The following NLRP1 variants were observed in gnomAD, a reference collection of about 807,000 sequenced individuals.
NLRP1 encodes the protein NLR family pyrin domain containing 1.
In NLRP1, 94 loss-of-function variants were observed where a neutral mutation model predicts 136.7. The ratio of observed to expected loss-of-function variants is 0.69; its 90% CI spans 0.58 to 0.82. NLRP1 has a LOEUF of 0.82. NLRP1 is among the 40% of genes least tolerant of loss of function. The pLI, the probability that NLRP1 is intolerant of heterozygous loss-of-function variation, is 0.00. For synonymous variants in NLRP1, 690 were observed against 725.1 expected (o/e 0.95, Z 0.78); for missense variants, 1,575 against 1,802.7 (o/e 0.87, Z 2.29).
intron 12 of NLRP1, among the ~76,000 whole-genome samples, chr17:5,525,754 G>C (rs1395813099): frequency 6.6e-6 from 1 of 152,234 alleles, no homozygotes; most frequent in Non-Finnish European, 1.5e-5. Flanking sequence ...CATCTGTAAA[G>C]TGGGGCTGAT....
intron 3 of NLRP1, among the ~76,000 whole-genome samples, 169 bp from the exon 4 acceptor site, chr17:5,560,212 C>G (rs566150132): frequency 6.6e-6 from 1 of 152,236 alleles, no homozygotes; most frequent in Non-Finnish European, 1.5e-5. Flanking sequence ...GGTAGAATAT[C>G]CCAGTTCAAG....
At chr17:5,533,414 C>G (rs548722755) in intron 9 of NLRP1, 30 bp from the exon 10 acceptor site, 1 of 818,942 alleles carries the variant, frequency 1.2e-6, no homozygotes, top group South Asian at 1.4e-5. Flanking sequence ...ATCAGCCAGG[C>G]ATGGTGGTGA....
rs1911212650 is a variant in NLRP1, at chr17:5,537,309, T to G, written c.2871-369A>C. ...TGTGGGCCTCCCCAGGAAGGAGATG[T>G]GGCCTTGGGTGAGGTGGCTCTCACT... On this transcript the variant is annotated intron_variant, in intron 7 of 16. Coordinates refer to ENST00000572272, the MANE Select transcript of NLRP1 (RefSeq NM_033004.4). This position sits in a 1 kb window ranked among gnomAD's most constrained non-coding sequence, Gnocchi z 4.5. Among the ~76,000 whole-genome samples the G allele has an allele frequency of 6.6e-6, 1 of 152,210 alleles. No homozygotes were observed. Among genetic ancestry groups the G allele is most frequent in the Admixed American group, 6.5e-5 (1 of 15,290 alleles).
At position 5,518,156 on chromosome 17, in the gene NLRP1, C is replaced by A. The variant is rs1452428114; in HGVS notation, c.3916-269G>T. On this transcript the variant is annotated intron_variant, in intron 14 of 16. Coordinates refer to ENST00000572272, the MANE Select transcript of NLRP1 (RefSeq NM_033004.4). The stretch of plus-strand genomic sequence containing the variant: ...CAGATCCTTCTTCCTTCACCTCCCC[C>A]ATCTTGAATCCAAACCCTCATTTCT... The A allele has an allele frequency of 4.2e-5, 13 of 313,046 alleles. No homozygotes were observed. The Admixed American group carries it at 5.1e-4, about 12-fold the overall frequency. 19.4% of individuals were successfully genotyped at this position (313,046 alleles called of 1,614,324 possible).
intron 3 of NLRP1, among the ~76,000 whole-genome samples, chr17:5,567,450 A>G (rs1915457687): frequency 6.6e-6 from 1 of 152,128 alleles, no homozygotes; most frequent in Non-Finnish European, 1.5e-5. Context: ...AAGAAAACTA[A>G]TAAAAACTTA....
Position 5,558,935 on chromosome 17 carries a change from A to T in NLRP1, c.1761T>A (p.Ser587Arg), listed in dbSNP as rs1567660588. The change falls in exon 4 of 17, where the codon AGT becomes AGA. Residue 587 changes from serine to arginine, a missense_variant. Transcript: ENST00000572272. ...ACCCATGCTTCCTGAGGTCATCTGG[A>T]CTGAAAAGGGTCTTTTTTTGCCAGA... is the stretch of plus-strand genomic sequence containing the variant. Reference protein sequence around the residue: ...EGIWQKKTLFSPDDLRKHGLD... With the variant: ...EGIWQKKTLFRPDDLRKHGLD... 6.2e-7 allele frequency: 1 copy of T among 1,614,106 alleles called. No individual in the cohort carries two copies. The highest frequency in any genetic ancestry group is 1.7e-5 in the Admixed American group (1 of 60,022).
Position 5,541,980 on chromosome 17 carries a change from A to G in NLRP1, c.2576T>C (p.Phe859Ser). Reference protein sequence around the residue: ...LTAEDCKDLAFGLRANQTLTE... With the variant: ...LTAEDCKDLASGLRANQTLTE... ...CAGGGTCTGGTTGGCTCTCAGCCCA[A>G]AGGCAAGGTCCTTGCAGTCCTCAGC... is the stretch of plus-strand genomic sequence containing the variant. Residue 859 changes from phenylalanine (F) to serine (S), a missense_variant, in exon 6 of 17, where the codon TTT (phenylalanine) becomes TCT (serine). Transcript: ENST00000572272. The surrounding 1 kb of genome is among the most constrained non-coding windows in gnomAD (Gnocchi z 4.2). The G allele has an allele frequency of 1.9e-6, 3 of 1,614,142 alleles. No homozygotes were observed. The highest frequency in any genetic ancestry group is 2.5e-6 in the Non-Finnish European group (3 of 1,180,012).
In NLRP1 at chr17:5,514,433, T is replaced by C. The variant is rs964516781; in HGVS notation, c.*321A>G. ...GGCAAATGGTTCCATGTCCCTCCTA[T>C]TCCTCTTTGCGCCTGGATGGGATCC... is the stretch of plus-strand genomic sequence containing the variant. On this transcript the variant is annotated 3_prime_UTR_variant, in exon 17 of 17. Transcript: ENST00000572272. 16 of 1,192,750 alleles carry C rather than the reference T, an allele frequency of 1.3e-5. No individual in the cohort carries two copies. Among genetic ancestry groups the C allele is most frequent in the Non-Finnish European group, 1.6e-5 (15 of 951,696 alleles). 73.9% of individuals were successfully genotyped at this position (1,192,750 alleles called of 1,614,324 possible). A position where few individuals can be genotyped will look rare whatever the true frequency, so the allele number is the denominator to read the frequency against.
intron 8 of NLRP1, among the ~76,000 whole-genome samples, chr17:5,536,293 C>T (rs191702870): frequency 1.0e-3 from 156 of 151,988 alleles, no homozygotes; most frequent in Middle Eastern, 3.4e-3. Context: ...AGACTACAGG[C>T]GTGCGTCACC....
intron 3 of NLRP1, among the ~76,000 whole-genome samples, chr17:5,563,642 A>G (rs981344588): frequency 1.3e-5 from 2 of 152,214 alleles, no homozygotes; most frequent in African/African-American, 4.8e-5. Flanking sequence ...GACCAAATCT[A>G]TGACTCGCTG....
chr17:5,540,036 C>A (rs1167104879), intron 6 of NLRP1, among the ~76,000 whole-genome samples: 1 of 152,202 alleles, frequency 6.6e-6, no homozygotes, highest in Admixed American at 6.5e-5. Context: ...AGCAACATAT[C>A]GTTTTCCCAG....
chr17:5,518,148 A>T, intron 14 of NLRP1: 1 of 324,806 alleles, frequency 3.1e-6, no homozygotes, highest in Non-Finnish European at 5.7e-6. Context: ...TTCTTCCTTC[A>T]CCTCCCCCAT....
downstream of NLRP1, among the ~76,000 whole-genome samples, chr17:5,511,765 C>T (rs539210484): frequency 1.2e-4 from 17 of 138,990 alleles, no homozygotes; most frequent in Non-Finnish European, 1.7e-4. Context: ...CTTTTTCTTT[C>T]TCTTTCTCTT....
intron 4 of NLRP1, among the ~76,000 whole-genome samples, chr17:5,556,449 G>A (rs1281027395): frequency 6.6e-4 from 93 of 140,158 alleles, no homozygotes; most frequent in Non-Finnish European, 9.5e-4. Context: ...GCGAGACTCC[G>A]TCTCAGACAA....
downstream of NLRP1, among the ~76,000 whole-genome samples, chr17:5,510,954 G>A (rs945208520): frequency 2.0e-5 from 3 of 152,110 alleles, no homozygotes; most frequent in Non-Finnish European, 4.4e-5. Flanking sequence ...GTACCAGCTC[G>A]CCCAGAACAA....
chr17:5,558,474 A>G lies in NLRP1; in HGVS notation c.2222T>C (p.Met741Thr), dbSNP rs780452954. 2 of 1,614,020 alleles carry G rather than the reference A, an allele frequency of 1.2e-6. No homozygotes were observed. The highest frequency in any genetic ancestry group is 2.2e-5 in the South Asian group (2 of 91,074). Residue 741 changes from methionine to threonine, a missense_variant, in exon 4 of 17, where the codon ATG (methionine) becomes ACG (threonine). Transcript: ENST00000572272. Reference protein sequence around the residue: ...LTQVMAHFEEMGMCVETDMEL... With the variant: ...LTQVMAHFEETGMCVETDMEL... ...CATGTCTGTTTCTACACACATGCCC[A>G]TTTCTTCGAAATGGGCCATCACTTG...
intron 6 of NLRP1, among the ~76,000 whole-genome samples, chr17:5,540,379 T>C (rs536542548): frequency 1.3e-5 from 2 of 152,314 alleles, no homozygotes; most frequent in South Asian, 4.1e-4. Context: ...ATGTAGGCTC[T>C]CTCTGGGGGT....
chr17:5,533,523 T>C, intron 9 of NLRP1, 139 bp from the exon 10 acceptor site: 1 of 481,760 alleles, frequency 2.1e-6, no homozygotes, highest in Admixed American at 3.2e-5. Flanking sequence ...GCCACTGCAC[T>C]CCAGCCTGAA....
chr17:5,565,653 T>C (rs1451068981), intron 3 of NLRP1, among the ~76,000 whole-genome samples: 1 of 152,212 alleles, frequency 6.6e-6, no homozygotes, highest in Non-Finnish European at 1.5e-5. Flanking sequence ...TTTTGATGTG[T>C]TTTTGTCTGG....
Sources: gnomAD v4.1 joint callset for allele counts (sites outside exome capture counted in the v4.1 genomes callset) on GRCh38, gnomAD v4.1.1 for gene constraint, Gnocchi (gnomAD v3.1) non-coding constraint, MANE v1.5 for transcripts, NCBI Gene and HGNC (gene_info 2026-07-23, HGNC 2026-07-21) for gene names.